Variants in NDUFA9 observed in about 807,000 individuals in gnomAD.
NDUFA9 encodes the protein NADH:ubiquinone oxidoreductase subunit A9, also known as NADH dehydrogenase [ubiquinone] 1 alpha subcomplex subunit 9, mitochondrial.
In NDUFA9, 23 loss-of-function variants were observed where a neutral mutation model predicts 45.9. That is an observed-to-expected ratio of 0.50 (90% CI 0.36 to 0.71). NDUFA9 has a LOEUF of 0.71. Ranked by LOEUF, NDUFA9 falls within the 30% of genes least tolerant of loss-of-function variation. NDUFA9 has a pLI of 0.00. For missense variants in NDUFA9, 466 were observed against 488.2 expected (o/e 0.95, Z 0.43); for synonymous variants, 176 against 170.5 (o/e 1.03, Z -0.25).
chr12:4,686,822 C>A, intron 10 of NDUFA9, 116 bp from the exon 11 acceptor site: 2 of 955,054 alleles, frequency 2.1e-6, no homozygotes, highest in African/African-American at 1.7e-5. Flanking sequence ...TCTTTGAAAG[C>A]AATTAAGTCT....
In NDUFA9 at chr12:4,652,181, C is replaced by A. The variant is rs1297933321; in HGVS notation, c.50-2111C>A. 3.3e-5 allele frequency among the ~76,000 whole-genome samples: 5 copies of A among 152,294 alleles called. No individual in the cohort carries two copies. The East Asian group carries it at 9.6e-4, about 29-fold the overall frequency. On this transcript the variant is annotated intron_variant, in intron 1 of 10. Coordinates refer to ENST00000266544, the MANE Select transcript of NDUFA9 (RefSeq NM_005002.5). Reference sequence around the variant, plus strand: ...TTACAGTGGGTGAGCTCCTTCTGTTCCAATCTGTGGCCAGTTCCTTCACTT... The same window carrying A: ...TTACAGTGGGTGAGCTCCTTCTGTTACAATCTGTGGCCAGTTCCTTCACTT...
intron 6 of NDUFA9, among the ~76,000 whole-genome samples, chr12:4,662,858 G>T (rs1416314485): frequency 6.6e-6 from 1 of 152,182 alleles, no homozygotes; most frequent in Admixed American, 6.5e-5. Flanking sequence ...GAACTTGGGA[G>T]TCAGAGACTT....
intron 5 of NDUFA9, among the ~76,000 whole-genome samples, chr12:4,659,536 C>T (rs1945811856): frequency 6.6e-6 from 1 of 152,316 alleles, no homozygotes; most frequent in Non-Finnish European, 1.5e-5. Flanking sequence ...CTTTCTTTCT[C>T]ACCCCTTGCA....
At chr12:4,652,545 A>G (rs1003404310) in intron 1 of NDUFA9, among the ~76,000 whole-genome samples, 1 of 152,092 alleles carries the variant, frequency 6.6e-6, no homozygotes. Context: ...TTCCTACTTC[A>G]CTTTCAGCAT....
intron 8 of NDUFA9, among the ~76,000 whole-genome samples, chr12:4,681,276 A>G (rs958155854): frequency 2.6e-5 from 4 of 152,180 alleles, no homozygotes; most frequent in Non-Finnish European, 4.4e-5. Flanking sequence ...TTAAAATTTT[A>G]TGTGCACAAA....
chr12:4,664,891 A>G (rs1169855665), intron 6 of NDUFA9, among the ~76,000 whole-genome samples: 1 of 152,126 alleles, frequency 6.6e-6, no homozygotes, highest in Non-Finnish European at 1.5e-5. Context: ...CTTACTTGGG[A>G]GTTGTTACCC....
intron 5 of NDUFA9, among the ~76,000 whole-genome samples, chr12:4,660,977 C>G (rs772451430): frequency 2.0e-5 from 3 of 149,280 alleles, no homozygotes; most frequent in Non-Finnish European, 4.5e-5. Context: ...AGGATAGAAG[C>G]TGGAGGGGGA....
chr12:4,655,008 T>C, intron 3 of NDUFA9, 86 bp downstream of exon 3: 1 of 1,119,278 alleles, frequency 8.9e-7, no homozygotes, highest in Non-Finnish European at 1.3e-6. Context: ...AATAAAGCAG[T>C]AATTTCTTCC....
At chr12:4,663,873 T>C (rs1945837987) in intron 6 of NDUFA9, among the ~76,000 whole-genome samples, 1 of 152,118 alleles carries the variant, frequency 6.6e-6, no homozygotes, top group South Asian at 2.1e-4. Flanking sequence ...TTAAGGGTGA[T>C]TTTTGTAAGG....
Position 4,691,029 on chromosome 12 carries a change from T to C in NDUFA9, c.*3921T>C, listed in dbSNP as rs946312055. 1 of 152,192 alleles carries C rather than the reference T, an allele frequency of 6.6e-6. No homozygotes were observed. Among genetic ancestry groups the C allele is most frequent in the Non-Finnish European group, 1.5e-5 (1 of 68,030 alleles). The allele number at this position is 152,192 out of a possible 1,614,324, so 9.4% of individuals were successfully genotyped here. On this transcript the variant is annotated 3_prime_UTR_variant, in exon 11 of 11. Coordinates refer to ENST00000266544, the MANE Select transcript of NDUFA9 (RefSeq NM_005002.5). ...GGCACAAGCGAGTTTAACCTTTACC[T>C]TGGAGGTGATGCAGAGCAGTTGAGT...
At chr12:4,668,251 G>A (rs976703741) in intron 6 of NDUFA9, among the ~76,000 whole-genome samples, 2 of 152,178 alleles carry the variant, frequency 1.3e-5, no homozygotes, top group Non-Finnish European at 2.9e-5. Flanking sequence ...GCTCTTCATG[G>A]TTTTAAACAT....
Position 4,654,412 on chromosome 12 carries a change from C to T in NDUFA9, c.170C>T (p.Thr57Ile), listed in dbSNP as rs1165725432. Residue 57 changes from threonine (T) to isoleucine (I), a missense_variant, in exon 2 of 11, where the codon ACT becomes ATT. Coordinates refer to ENST00000266544, the MANE Select transcript of NDUFA9 (RefSeq NM_005002.5). Reference sequence around the variant, plus strand: ...TCCTCAGTCAGTGGGATTGTGGCCACTGTGTTTGGAGCAACAGGATTCCTG... The same window carrying T: ...TCCTCAGTCAGTGGGATTGTGGCCATTGTGTTTGGAGCAACAGGATTCCTG... ...GRSSVSGIVATVFGATGFLGR... is the reference protein window; with the variant it reads ...GRSSVSGIVAIVFGATGFLGR... 4.3e-6 allele frequency: 7 copies of T among 1,614,020 alleles called. No homozygotes were observed. The highest frequency in any genetic ancestry group is 5.9e-6 in the Non-Finnish European group (7 of 1,180,010).
At chr12:4,659,705 G>T (rs1945812897) in intron 5 of NDUFA9, among the ~76,000 whole-genome samples, 1 of 152,200 alleles carries the variant, frequency 6.6e-6, no homozygotes, top group African/African-American at 2.4e-5. Flanking sequence ...TTTGGAGTCA[G>T]TCTGTAGCCT....
rs139599397 is a variant in NDUFA9, at chr12:4,663,505, C to T, written c.655+870C>T. 5.3e-3 allele frequency among the ~76,000 whole-genome samples: 798 copies of T among 151,898 alleles called. 3 individuals carry two copies. Among genetic ancestry groups the T allele is most frequent in the Middle Eastern group, 0.01 (3 of 290 alleles). ...GGATTGGTGACCTTATAAGAAGAGGCAAAAAGAGAGATCTCTCTCTCCCTG... is the reference window on the plus strand; with the variant it reads ...GGATTGGTGACCTTATAAGAAGAGGTAAAAAGAGAGATCTCTCTCTCCCTG... On this transcript the variant is annotated intron_variant, in intron 6 of 10. Coordinates refer to ENST00000266544, the MANE Select transcript of NDUFA9 (RefSeq NM_005002.5).
intron 1 of NDUFA9, among the ~76,000 whole-genome samples, chr12:4,652,550 C>A (rs1309529475): frequency 6.6e-6 from 1 of 152,188 alleles, no homozygotes; most frequent in Admixed American, 6.5e-5. Flanking sequence ...ACTTCACTTT[C>A]AGCATTTGGT....
chr12:4,658,955 A>G, intron 4 of NDUFA9, 81 bp from the exon 5 acceptor site: 3 of 1,387,276 alleles, frequency 2.2e-6, no homozygotes, highest in South Asian at 2.6e-5. Context: ...CAGTACTGTT[A>G]TGAAAACCAT....
chr12:4,676,851 T>G (rs1945922852), intron 8 of NDUFA9, among the ~76,000 whole-genome samples: 1 of 152,184 alleles, frequency 6.6e-6, no homozygotes, highest in African/African-American at 2.4e-5. Flanking sequence ...AAGACAATCC[T>G]AAGCAAAAAG....
At position 4,654,183 on chromosome 12, in the gene NDUFA9, C is replaced by T. The variant is rs2302247; in HGVS notation, c.50-109C>T. The T allele has an allele frequency of 0.52, 553,509 of 1,056,770 alleles. 147,645 individuals are homozygous for T. Among genetic ancestry groups the T allele is most frequent in the Admixed American group, 0.58 (22,296 of 38,580 alleles). The allele number at this position is 1,056,770 out of a possible 1,614,324, so 65.5% of individuals were successfully genotyped here. Reference sequence around the variant, plus strand: ...CCTTGATACTTAAATTGCTAAAGTACTGATTGCAAAATAATGTTACAAGTT... The same window carrying T: ...CCTTGATACTTAAATTGCTAAAGTATTGATTGCAAAATAATGTTACAAGTT... On this transcript the variant is annotated intron_variant, in intron 1 of 10. Coordinates refer to ENST00000266544, the MANE Select transcript of NDUFA9 (RefSeq NM_005002.5).
At chr12:4,654,227 T>C (rs1318611435) in intron 1 of NDUFA9, 65 bp from the exon 2 acceptor site, 1 of 1,457,382 alleles carries the variant, frequency 6.9e-7, no homozygotes, top group Admixed American at 2.0e-5. Context: ...AAGGAGCTAT[T>C]TGTGTTGACA....
Sources: allele counts gnomAD v4.1 joint callset (sites outside exome capture counted in the v4.1 genomes callset), GRCh38; gene constraint gnomAD v4.1.1; transcripts MANE v1.5; gene names NCBI Gene and HGNC (gene_info 2026-07-23, HGNC 2026-07-21).